IGLL5: variants seen among roughly 807,000 people sequenced by gnomAD.
IGLL5 encodes the protein immunoglobulin lambda like polypeptide 5.
Under a neutral mutation model 20.9 loss-of-function variants are expected in IGLL5, and 30 were observed. That is an observed-to-expected ratio of 1.44 (90% CI 1.07 to 1.95). The LOEUF is 1.95. IGLL5 is among the 30% of genes most tolerant of loss of function. The pLI, the probability that IGLL5 is intolerant of heterozygous loss-of-function variation, is 0.00. For missense variants in IGLL5, 475 were observed against 270.7 expected (o/e 1.75, Z -5.30); for synonymous variants, 203 against 117.3 (o/e 1.73, Z -4.72).
chr22:22,894,024 TGGTCCCGGGGCCTG>T, intron 2 of IGLL5, among the ~76,000 whole-genome samples: 1 of 151,498 alleles, frequency 6.6e-6, no homozygotes, highest in South Asian at 2.1e-4. Context: ...GGATGCAGCC[TGGTCCCGGGGCCTG>T]AGCTGGGATT....
At chr22:22,889,520 G>A (rs2145997017) in intron 1 of IGLL5, among the ~76,000 whole-genome samples, 1 of 151,252 alleles carries the variant, frequency 6.6e-6, no homozygotes, top group Non-Finnish European at 1.5e-5. Context: ...ATTAGTGATG[G>A]GAGAAAACTG....
At chr22:22,893,920 T>G (rs1569086806) in intron 2 of IGLL5, 102 bp downstream of exon 2, 14 of 843,250 alleles carry the variant, frequency 1.7e-5, no homozygotes, top group South Asian at 2.8e-5. Flanking sequence ...CTCCCAGCCT[T>G]AAGCACTGAC....
chr22:22,888,454 T>G (rs542385586), intron 1 of IGLL5, among the ~76,000 whole-genome samples, 195 bp downstream of exon 1: 4 of 151,390 alleles, frequency 2.6e-5, no homozygotes, highest in East Asian at 2.0e-4. Flanking sequence ...TAATATCATA[T>G]TACGATATTA....
At position 22,895,666 on chromosome 22, in the gene IGLL5, A is replaced by C. The variant is rs1448726527; in HGVS notation, c.617A>C (p.Lys206Thr). ...ACGCATGAAGGGAGCACCGTGGAGA[A>C]GACAGTGGCCCCTACAGAATGTTCA... ...QVTHEGSTVE[K>T]TVAPTECS Residue 206 changes from lysine to threonine, a missense_variant, in exon 3 of 3, where the codon AAG becomes ACG. Transcript: ENST00000526893. The C allele has an allele frequency of 6.2e-7, 1 of 1,613,280 alleles. No homozygotes were observed. Among genetic ancestry groups the C allele is most frequent in the Non-Finnish European group, 8.5e-7 (1 of 1,179,748 alleles).
intron 2 of IGLL5, among the ~76,000 whole-genome samples, chr22:22,894,198 AGCTG>A: frequency 1.3e-5 from 2 of 149,124 alleles, no homozygotes; most frequent in East Asian, 2.1e-4. Context: ...TGGGCCTGGG[AGCTG>A]CTGAGTCTCA....
intron 2 of IGLL5, 45 bp downstream of exon 2, chr22:22,893,863 T>C (rs759379560): frequency 5.3e-6 from 7 of 1,323,068 alleles, no homozygotes; most frequent in Admixed American, 5.0e-5. Flanking sequence ...CCCTCTGCTG[T>C]CCCTGGAAAA....
intron 1 of IGLL5, among the ~76,000 whole-genome samples, chr22:22,889,934 C>T (rs114354214): frequency 0.018 from 2,682 of 151,182 alleles, 97 homozygotes; most frequent in African/African-American, 0.061. Flanking sequence ...TTTCAAAAAC[C>T]TGTCAGAAAA....
At chr22:22,888,606 C>A (rs545873459) in intron 1 of IGLL5, among the ~76,000 whole-genome samples, 1 of 151,308 alleles carries the variant, frequency 6.6e-6, no homozygotes, top group East Asian at 2.0e-4. Context: ...CCACTGTCCC[C>A]ACAGGGTGCC....
intron 2 of IGLL5, among the ~76,000 whole-genome samples, 177 bp downstream of exon 2, chr22:22,893,995 C>T (rs2067963627): frequency 6.6e-6 from 1 of 151,618 alleles, no homozygotes; most frequent in Admixed American, 6.6e-5. Context: ...CAGGAAGGGC[C>T]TCCACAGTGG....
chr22:22,890,878 T>A (rs572968558), intron 1 of IGLL5, among the ~76,000 whole-genome samples: 2 of 151,340 alleles, frequency 1.3e-5, no homozygotes, highest in South Asian at 4.2e-4. Flanking sequence ...TTTTATATTT[T>A]TATTTATTGG....
At chr22:22,889,769 A>G (rs1569082836) in intron 1 of IGLL5, among the ~76,000 whole-genome samples, 1 of 151,266 alleles carries the variant, frequency 6.6e-6, no homozygotes, top group East Asian at 2.0e-4. Context: ...GATTAGGATT[A>G]TTATTAGTTT....
intron 1 of IGLL5, among the ~76,000 whole-genome samples, chr22:22,888,820 T>G (rs192050660): frequency 2.0e-5 from 3 of 151,244 alleles, no homozygotes; most frequent in South Asian, 2.1e-4. Context: ...TGTCCAGTCA[T>G]TGGAACAGGC....
rs551055223 is a variant in IGLL5 at position 22,888,428 on chromosome 22, T to C, written c.206+169T>C. Among the ~76,000 whole-genome samples the C allele has an allele frequency of 5.9e-5, 9 of 151,406 alleles. No homozygotes were observed. In the East Asian group the frequency reaches 6.1e-4, roughly 10 times the overall value. On this transcript the variant is annotated intron_variant, in intron 1 of 2. Coordinates refer to ENST00000526893, the MANE Select transcript of IGLL5 (RefSeq NM_001178126.2). ...TGATATTTTGTCCATCACAGATTTGTTTGAATTACTGTTTTTAATATCATA... is the reference window on the plus strand; with the variant it reads ...TGATATTTTGTCCATCACAGATTTGCTTGAATTACTGTTTTTAATATCATA...
chr22:22,890,117 G>C (rs1256228382), intron 1 of IGLL5, among the ~76,000 whole-genome samples: 2 of 146,696 alleles, frequency 1.4e-5, no homozygotes, highest in South Asian at 2.2e-4. Flanking sequence ...TTTGTAATGA[G>C]TATATTACAA....
intron 2 of IGLL5, among the ~76,000 whole-genome samples, chr22:22,894,142 G>T (rs2067988145): frequency 6.6e-6 from 1 of 151,422 alleles, no homozygotes; most frequent in African/African-American, 2.4e-5. Flanking sequence ...TGTCCTTAGG[G>T]ACATTGCCCA....
intron 1 of IGLL5, among the ~76,000 whole-genome samples, chr22:22,889,391 C>T (rs2067714596): frequency 6.6e-6 from 1 of 151,214 alleles, no homozygotes; most frequent in African/African-American, 2.4e-5. Flanking sequence ...AGTCAAAAAA[C>T]AAAGTGTGTT....
rs189919546 is a variant in IGLL5 at position 22,888,542 on chromosome 22, C to T, written c.206+283C>T. 7.9e-5 allele frequency among the ~76,000 whole-genome samples: 12 copies of T among 151,346 alleles called. 1 individual carries two copies. Among genetic ancestry groups the T allele is most frequent in the Middle Eastern group, 3.7e-3 (1 of 270 alleles). On this transcript the variant is annotated intron_variant, in intron 1 of 2. Transcript: ENST00000526893. ...GTGCCTCAATCACCTAGTCCTAGTC[C>T]TCTGGGTAGGGAAGGAACAGAGGCA...
intron 2 of IGLL5, among the ~76,000 whole-genome samples, chr22:22,894,067 T>C (rs567222665): frequency 2.0e-5 from 3 of 151,410 alleles, no homozygotes; most frequent in African/African-American, 4.8e-5. Flanking sequence ...TCAGGGCTCC[T>C]CCTCTCTTCC....
rs192387679 is a variant in IGLL5, at chr22:22,887,955, G to A, written c.-99G>A. 17 of 931,412 alleles carry A rather than the reference G, an allele frequency of 1.8e-5. No homozygotes were observed. Among genetic ancestry groups the A allele is most frequent in the African/African-American group, 4.9e-5 (3 of 60,858 alleles). The allele number at this position is 931,412 out of a possible 1,614,324, so 57.7% of individuals were successfully genotyped here. On this transcript the variant is annotated 5_prime_UTR_variant, in exon 1 of 3. Transcript: ENST00000526893. ...GAGGACAGAGCCAATGGACTGGGGT[G>A]TACTGTAACAGCCCTGCTGGCGAGA...
Sources: allele counts gnomAD v4.1 joint callset (sites outside exome capture counted in the v4.1 genomes callset), GRCh38; gene constraint gnomAD v4.1.1; transcripts MANE v1.5; gene names NCBI Gene and HGNC (gene_info 2026-07-23, HGNC 2026-07-21).